Variants in COQ8B observed in about 807,000 individuals in gnomAD.
The protein encoded by COQ8B is atypical kinase COQ8B, mitochondrial.
COQ8B carries 44 observed loss-of-function variants against 62.0 expected under a neutral mutation model. The ratio of observed to expected loss-of-function variants is 0.71; its 90% CI spans 0.56 to 0.91. COQ8B has a LOEUF of 0.91. COQ8B is among the 40% of genes least tolerant of loss of function. The pLI is 0.00. For missense variants in COQ8B, 649 were observed against 731.6 expected (o/e 0.89, Z 1.30); for synonymous variants, 252 against 289.9 (o/e 0.87, Z 1.33).
intron 5 of COQ8B, among the ~76,000 whole-genome samples, chr19:40,709,001 C>T (rs1382280779): frequency 1.3e-5 from 2 of 151,908 alleles, no homozygotes; most frequent in Non-Finnish European, 2.9e-5. Context: ...CCTGCACACC[C>T]GCACACCCTC....
intron 1 of COQ8B, chr19:40,715,371 C>A: frequency 1.0e-6 from 1 of 985,674 alleles, no homozygotes; most frequent in East Asian, 1.1e-4. Flanking sequence ...CCTACACTTT[C>A]TTGCAAAGTC....
chr19:40,704,105 T>G (rs1051288750), intron 7 of COQ8B: 1 of 475,436 alleles, frequency 2.1e-6, no homozygotes, highest in Non-Finnish European at 3.7e-6. Context: ...CCCTGGGCTG[T>G]TGTGGGGATT....
At chr19:40,697,519 G>A (rs2082023295) in intron 12 of COQ8B, among the ~76,000 whole-genome samples, 1 of 152,118 alleles carries the variant, frequency 6.6e-6, no homozygotes, top group Non-Finnish European at 1.5e-5. Flanking sequence ...ACTGGTGGCT[G>A]GGCGTGATGG....
At chr19:40,713,313 C>G (rs2082156642) in intron 4 of COQ8B, among the ~76,000 whole-genome samples, 1 of 152,148 alleles carries the variant, frequency 6.6e-6, no homozygotes, top group African/African-American at 2.4e-5. Flanking sequence ...AGAGTCATCC[C>G]TTGAACCCTG....
Position 40,714,590 on chromosome 19 carries a change from G to A in COQ8B, c.43C>T (p.Gln15Ter). ...VGGLLRGTGG[Q>*]LGQTVGWPCG... The stretch of plus-strand genomic sequence containing the variant: ...GGCCAACCAACAGTCTGGCCCAGCT[G>A]TCCACCGGTCCCCCGAAGTAGGCCC... Residue 15 changes from glutamine to a stop codon, truncating the protein, a stop_gained, in exon 2 of 15, where the codon CAG becomes TAG. Coordinates refer to ENST00000324464, the MANE Select transcript of COQ8B (RefSeq NM_024876.4). LOFTEE classifies it high-confidence loss of function. The A allele has an allele frequency of 1.2e-6, 2 of 1,611,850 alleles. No homozygotes were observed. The highest frequency in any genetic ancestry group is 1.3e-5 in the African/African-American group (1 of 74,914).
intron 3 of COQ8B, 60 bp from the exon 4 acceptor site, chr19:40,714,193 G>T: frequency 6.2e-7 from 1 of 1,609,458 alleles, no homozygotes; most frequent in Non-Finnish European, 8.5e-7. Flanking sequence ...AGAGAGTGCA[G>T]CCACTCTGCC....
At position 40,710,090 on chromosome 19, in the gene COQ8B, C is replaced by G; in HGVS notation, c.336G>C (p.Lys112Asn). Residue 112 changes from lysine (K) to asparagine (N), a missense_variant, in exon 5 of 15, where the codon AAG becomes AAC. Coordinates refer to ENST00000324464, the MANE Select transcript of COQ8B (RefSeq NM_024876.4). ...LGLGVLAEMA[K>N]KSMPGGRLQS... ...GCAGACGACCTCCTGGCATGGACTT[C>G]TTAGCCATCTCGGCCAGTACTCCTA... 1 of 1,614,038 alleles carries G rather than the reference C, an allele frequency of 6.2e-7. No individual in the cohort carries two copies. Among genetic ancestry groups the G allele is most frequent in the Non-Finnish European group, 8.5e-7 (1 of 1,179,910 alleles).
chr19:40,704,030 A>C, intron 7 of COQ8B, 175 bp from the exon 8 acceptor site: 1 of 780,654 alleles, frequency 1.3e-6, no homozygotes, highest in Non-Finnish European at 2.0e-6. Flanking sequence ...CCCTTGTGCA[A>C]GTGACTAGCC....
rs1395376033 is a variant in COQ8B at position 40,703,634 on chromosome 19, G to A, written c.718-12C>T. 2 of 1,613,176 alleles carry A rather than the reference G, an allele frequency of 1.2e-6. No homozygotes were observed. Among genetic ancestry groups the A allele is most frequent in the Non-Finnish European group, 1.7e-6 (2 of 1,179,500 alleles). On this transcript the variant is annotated splice_polypyrimidine_tract_variant and intron_variant, in intron 8 of 14. Transcript: ENST00000324464. ...GCTATGCCGGGGTACTGTAAAGGGAGAAGGGAGGGAGAGAAGGTGGGAGTC... is the reference window on the plus strand; with the variant it reads ...GCTATGCCGGGGTACTGTAAAGGGAAAAGGGAGGGAGAGAAGGTGGGAGTC...
chr19:40,709,827 G>A (rs774998215), intron 5 of COQ8B, among the ~76,000 whole-genome samples: 1 of 151,932 alleles, frequency 6.6e-6, no homozygotes, highest in South Asian at 2.1e-4. Flanking sequence ...GAGCGACAGA[G>A]TGAGACTCCA....
rs764523037 is a variant in COQ8B at position 40,714,648 on chromosome 19, AG to A, written c.-3-14del. 2.5e-6 allele frequency: 4 copies of A among 1,581,870 alleles called. No individual in the cohort carries two copies. Among genetic ancestry groups the A allele is most frequent in the Non-Finnish European group, 3.4e-6 (4 of 1,165,906 alleles). On this transcript the variant is annotated splice_polypyrimidine_tract_variant and intron_variant, in intron 1 of 14. Coordinates refer to ENST00000324464, the MANE Select transcript of COQ8B (RefSeq NM_024876.4). ...TCAGCCACATTGCCTGGAGGAGAAG[AG>A]GAGGGATTATTCAGGTGGGAGTTGC...
chr19:40,699,356 G>A (rs1402222040), intron 12 of COQ8B, among the ~76,000 whole-genome samples: 6 of 151,808 alleles, frequency 4.0e-5, no homozygotes, highest in Non-Finnish European at 7.4e-5. Flanking sequence ...AACTTCCTGT[G>A]CCTCCCCCAA....
intron 7 of COQ8B, chr19:40,704,087 C>G: frequency 5.8e-6 from 3 of 516,132 alleles, no homozygotes; most frequent in Non-Finnish European, 1.0e-5. Flanking sequence ...GTCCCCTGAA[C>G]CTGGACTCCC....
chr19:40,697,843 T>TAGAGAGAGAG (rs1406997268), intron 12 of COQ8B, among the ~76,000 whole-genome samples: 1 of 48,780 alleles, frequency 2.1e-5, no homozygotes, highest in African/African-American at 9.8e-5. Context: ...TATATATATA[T>TAGAGAGAGAG]ATATATATAG....
chr19:40,700,026 C>T, intron 12 of COQ8B, 41 bp downstream of exon 12: 1 of 1,565,450 alleles, frequency 6.4e-7, no homozygotes, highest in Non-Finnish European at 8.8e-7. Flanking sequence ...ATATTTGTTA[C>T]AACAGCAAAT....
chr19:40,711,258 G>A (rs2082139647), intron 4 of COQ8B, among the ~76,000 whole-genome samples: 1 of 151,934 alleles, frequency 6.6e-6, no homozygotes. Flanking sequence ...TAGAGACAGG[G>A]TCTCACTCTG....
At chr19:40,704,040 C>T in intron 7 of COQ8B, 185 bp from the exon 8 acceptor site, 2 of 687,178 alleles carry the variant, frequency 2.9e-6, no homozygotes, top group Non-Finnish European at 4.7e-6. Flanking sequence ...AGTGACTAGC[C>T]AGGCACTGGC....
chr19:40,705,500 C>A, intron 5 of COQ8B, 53 bp from the exon 6 acceptor site: 1 of 1,494,070 alleles, frequency 6.7e-7, no homozygotes, highest in Non-Finnish European at 9.0e-7. Flanking sequence ...TCACTGCGGC[C>A]AGGCCCGGCG....
chr19:40,692,370 A>G lies in COQ8B; in HGVS notation c.1300T>C (p.Phe434Leu). The G allele has an allele frequency of 6.2e-7, 1 of 1,612,892 alleles. No individual in the cohort carries two copies. The highest frequency in any genetic ancestry group is 1.7e-5 in the Admixed American group (1 of 59,978). ...ACTGCCTCCACGTGGGCGTCGGAGA[A>G]TGCCTGGGAGTGGGGGTGGGGGGAG... ...KFLTGFETKAFSDAHVEAVMI... is the reference protein window; with the variant it reads ...KFLTGFETKALSDAHVEAVMI... Residue 434 changes from phenylalanine to leucine, a missense_variant, in exon 15 of 15, where the codon TTC becomes CTC. Phe to Leu is a conservative substitution (Grantham distance 22, BLOSUM62 0). Coordinates refer to ENST00000324464, the MANE Select transcript of COQ8B (RefSeq NM_024876.4).
Sources: allele counts gnomAD v4.1 joint callset (sites outside exome capture counted in the v4.1 genomes callset), GRCh38; gene constraint gnomAD v4.1.1; transcripts MANE v1.5; gene names NCBI Gene and HGNC (gene_info 2026-07-23, HGNC 2026-07-21).